The following TET1 variants were observed in gnomAD, a reference collection of about 807,000 sequenced individuals.
TET1 encodes the protein tet methylcytosine dioxygenase 1.
Under a neutral mutation model 148.7 loss-of-function variants are expected in TET1, and 13 were observed. The observed-to-expected ratio is 0.09, with a 90% CI of 0.06 to 0.14. The LOEUF is 0.14. Among genes scored for constraint, TET1 ranks in the 10% least tolerant of loss-of-function variants. TET1 has a pLI of 1.00. For synonymous variants in TET1, 907 were observed against 937.2 expected (o/e 0.97, Z 0.59); for missense variants, 2,182 against 2,553.8 (o/e 0.85, Z 3.14).
At chr10:68,598,799 T>C (rs1212133010) in intron 2 of TET1, among the ~76,000 whole-genome samples, 1 of 151,326 alleles carries the variant, frequency 6.6e-6, no homozygotes, top group African/African-American at 2.4e-5. Context: ...CAAGCGATTC[T>C]CCTGTCTCAG....
rs765156066 is a variant in TET1 at position 68,646,737 on chromosome 10, A to G, written c.4008A>G (p.Thr1336=). The change falls in exon 4 of 12, where the codon ACA becomes ACG. Residue 1336 remains threonine, a synonymous_variant. Coordinates refer to ENST00000373644, the MANE Select transcript of TET1 (RefSeq NM_030625.3). ...AACTCATGCATCAGAGACTGCCAACATTGCCTGGTATCTCTCATGAAACAC... is the reference window on the plus strand; with the variant it reads ...AACTCATGCATCAGAGACTGCCAACGTTGCCTGGTATCTCTCATGAAACAC... ...KEQLMHQRLP[T]LPGISHETPL... 6.2e-7 allele frequency: 1 copy of G among 1,614,148 alleles called. No homozygotes were observed. Among genetic ancestry groups the G allele is most frequent in the South Asian group, 1.1e-5 (1 of 91,084 alleles).
chr10:68,656,066 C>T (rs2055016389), intron 6 of TET1, among the ~76,000 whole-genome samples: 1 of 152,198 alleles, frequency 6.6e-6, no homozygotes. Flanking sequence ...TGATCTGTCA[C>T]TGTCCCACCT....
At chr10:68,603,295 T>A (rs1470570425) in intron 3 of TET1, among the ~76,000 whole-genome samples, 1 of 152,206 alleles carries the variant, frequency 6.6e-6, no homozygotes, top group African/African-American at 2.4e-5. Flanking sequence ...GTATCCTGAT[T>A]GACTTTTCAT....
At chr10:68,658,367 G>A (rs1017645839) in intron 6 of TET1, among the ~76,000 whole-genome samples, 5 of 151,898 alleles carry the variant, frequency 3.3e-5, no homozygotes, top group African/African-American at 1.2e-4. Flanking sequence ...TCAAACTCCT[G>A]ACCTCAAGTA....
chr10:68,671,388 T>C (rs1007001223), intron 7 of TET1, among the ~76,000 whole-genome samples: 3 of 152,274 alleles, frequency 2.0e-5, no homozygotes, highest in African/African-American at 7.2e-5. Context: ...TATGTTCTTT[T>C]CTGTGGCTGC....
At position 68,593,230 on chromosome 10, in the gene TET1, C is replaced by CAA. The variant is rs576381158; in HGVS notation, c.1915-7726_1915-7725dup. Among the ~76,000 whole-genome samples the CAA allele has an allele frequency of 7.3e-3, 315 of 43,172 alleles. 21 individuals are homozygous for CAA. The highest frequency in any genetic ancestry group is 0.045 in the Middle Eastern group (2 of 44). 28.3% of individuals were successfully genotyped at this position (43,172 alleles called of 152,430 possible). The stretch of plus-strand genomic sequence containing the variant: ...CTGGCGAGAGAGTGAAACTCTGTCT[C>CAA]AAAAAAAAAAAAAAAAAAAAAAAAA... On this transcript the variant is annotated intron_variant, in intron 2 of 11. Coordinates refer to ENST00000373644, the MANE Select transcript of TET1 (RefSeq NM_030625.3).
At chr10:68,622,366 A>T (rs868160067) in intron 3 of TET1, among the ~76,000 whole-genome samples, 21 of 151,638 alleles carry the variant, frequency 1.4e-4, no homozygotes, top group South Asian at 1.0e-3. Flanking sequence ...CCAGGTTCTA[A>T]CAATTCTCCT....
In TET1 at chr10:68,573,457, A is replaced by T; in HGVS notation, c.1119A>T (p.Pro373=). 1 of 1,614,190 alleles carries T rather than the reference A, an allele frequency of 6.2e-7. No individual in the cohort carries two copies. The highest frequency in any genetic ancestry group is 8.5e-7 in the Non-Finnish European group (1 of 1,180,040). ...SFLGQAFGAI[P]HQWELPGADP... The stretch of plus-strand genomic sequence containing the variant: ...TAGGACAGGCCTTTGGTGCTATCCC[A>T]CATCAATGGGAACTTCCTGGTGCTG... The change falls in exon 2 of 12, where the codon CCA becomes CCT. Residue 373 remains proline (P), a synonymous_variant. Coordinates refer to ENST00000373644, the MANE Select transcript of TET1 (RefSeq NM_030625.3).
At chr10:68,668,472 G>C (rs1486981658) in intron 7 of TET1, among the ~76,000 whole-genome samples, 1 of 152,242 alleles carries the variant, frequency 6.6e-6, no homozygotes, top group South Asian at 2.1e-4. Context: ...CATCAAGTGA[G>C]AAATGACTAT....
chr10:68,595,703 C>T lies in TET1; in HGVS notation c.1915-5278C>T, dbSNP rs1488990396. ...GTGATCTCAGCTTAACTGCAAACTC[C>T]GCCTGCCGGTTTCCAGCAATTCTCT... On this transcript the variant is annotated intron_variant, in intron 2 of 11. Transcript: ENST00000373644. Among the ~76,000 whole-genome samples the T allele has an allele frequency of 5.7e-5, 8 of 140,776 alleles. No individual in the cohort carries two copies. The East Asian group carries it at 6.3e-4, about 11-fold the overall frequency. 92.4% of individuals were successfully genotyped at this position (140,776 alleles called of 152,430 possible). A position where few individuals can be genotyped will look rare whatever the true frequency, so the allele number is the denominator to read the frequency against.
At chr10:68,674,672 A>G in intron 8 of TET1, 2 of 454,212 alleles carry the variant, frequency 4.4e-6, no homozygotes, top group Non-Finnish European at 8.6e-6. Flanking sequence ...ATGGCAGACA[A>G]TGGTTGAAGG....
chr10:68,624,530 C>G (rs942599927), intron 3 of TET1, among the ~76,000 whole-genome samples: 126 of 151,700 alleles, frequency 8.3e-4, no homozygotes, highest in African/African-American at 2.9e-3. Flanking sequence ...CTCAGGTGAT[C>G]TGCCCACCTC....
intron 3 of TET1, among the ~76,000 whole-genome samples, chr10:68,625,505 A>G (rs1013424692): frequency 3.3e-5 from 5 of 152,206 alleles, no homozygotes; most frequent in African/African-American, 1.2e-4. Context: ...AACGTTCCAC[A>G]GAGGTGTAGA....
Position 68,647,024 on chromosome 10 carries a change from G to A in TET1, c.4276+19G>A, listed in dbSNP as rs1249141755. 1.3e-6 allele frequency: 2 copies of A among 1,583,586 alleles called. No individual in the cohort carries two copies. The highest frequency in any genetic ancestry group is 1.2e-5 in the South Asian group (1 of 85,852). On this transcript the variant is annotated intron_variant, in intron 4 of 11. Transcript: ENST00000373644. Reference sequence around the variant, plus strand: ...TGTCTTGGTGAGTACTTGTGTGCATGTGTTCTTATTTCACCTGCACAAATT... The same window carrying A: ...TGTCTTGGTGAGTACTTGTGTGCATATGTTCTTATTTCACCTGCACAAATT...
chr10:68,663,502 T>G (rs183480457), intron 6 of TET1, among the ~76,000 whole-genome samples: 1 of 152,330 alleles, frequency 6.6e-6, no homozygotes, highest in Admixed American at 6.5e-5. Flanking sequence ...CAAGTAGATT[T>G]TTCTGTGATT....
rs2055580031 is a variant in TET1 at position 68,690,836 on chromosome 10, A to T, written c.5433A>T (p.Glu1811Asp). Residue 1811 changes from glutamate (E) to aspartate (D), a missense_variant, in exon 12 of 12, where the codon GAA (glutamate) becomes GAT (aspartate). Glu to Asp is a conservative substitution (Grantham distance 45). This residue lies in a region of TET1 where 380 missense variants were observed against 387.9 expected (regional missense o/e 0.98). Coordinates refer to ENST00000373644, the MANE Select transcript of TET1 (RefSeq NM_030625.3). ...LGSNTETVQP[E>D]VKSETEPHFI... ...GTAACACTGAGACCGTGCAACCTGAAGTAAAAAGTGAAACCGAACCCCATT... is the reference window on the plus strand; with the variant it reads ...GTAACACTGAGACCGTGCAACCTGATGTAAAAAGTGAAACCGAACCCCATT... 1 of 1,611,332 alleles carries T rather than the reference A, an allele frequency of 6.2e-7. No individual in the cohort carries two copies. Among genetic ancestry groups the T allele is most frequent in the Non-Finnish European group, 8.5e-7 (1 of 1,177,812 alleles).
At chr10:68,602,037 C>T (rs1183497727) in intron 3 of TET1, among the ~76,000 whole-genome samples, 1 of 152,144 alleles carries the variant, frequency 6.6e-6, no homozygotes, top group Non-Finnish European at 1.5e-5. Context: ...CACGGAGAAC[C>T]AAACCTTGCC....
chr10:68,690,039 C>T (rs2055568777), intron 11 of TET1, among the ~76,000 whole-genome samples: 1 of 152,120 alleles, frequency 6.6e-6, no homozygotes, highest in African/African-American at 2.4e-5. Flanking sequence ...TGTTTTGTTA[C>T]CTAGAAATAT....
At chr10:68,686,794 A>C (rs879084988) in intron 11 of TET1, 87 bp downstream of exon 11, 2 of 1,197,738 alleles carry the variant, frequency 1.7e-6, no homozygotes, top group East Asian at 5.0e-5. Context: ...GTTTAGAGTT[A>C]AAACTAAGAC....
Sources: allele counts gnomAD v4.1 joint callset (sites outside exome capture counted in the v4.1 genomes callset), GRCh38; gene constraint gnomAD v4.1.1; regional missense constraint gnomAD v4.1.1; transcripts MANE v1.5; gene names NCBI Gene and HGNC (gene_info 2026-07-23, HGNC 2026-07-21).